The following HTT variants were observed in gnomAD, a reference collection of about 807,000 sequenced individuals.
HTT encodes huntington disease protein.
In HTT, 104 loss-of-function variants were observed where a neutral mutation model predicts 362.3. The ratio of observed to expected loss-of-function variants is 0.29; its 90% CI spans 0.24 to 0.34. The LOEUF is 0.34. HTT is among the 10% of genes least tolerant of loss of function. HTT has a pLI of 1.00. For synonymous variants in HTT, 1,577 were observed against 1,548.7 expected (o/e 1.02, Z -0.43); for missense variants, 3,301 against 3,928.6 (o/e 0.84, Z 4.27).
chr4:3,130,293 C>T lies in HTT; in HGVS notation c.1868-12C>T. 1 of 1,463,222 alleles carries T rather than the reference C, an allele frequency of 6.8e-7. No homozygotes were observed. Among genetic ancestry groups the T allele is most frequent in the Non-Finnish European group, 9.3e-7 (1 of 1,070,022 alleles). The allele number at this position is 1,463,222 out of a possible 1,614,324, so 90.6% of individuals were successfully genotyped here. A position where few individuals can be genotyped will look rare whatever the true frequency, so the allele number is the denominator to read the frequency against. On this transcript the variant is annotated splice_polypyrimidine_tract_variant and intron_variant, in intron 13 of 66. Coordinates refer to ENST00000355072, the MANE Select transcript of HTT (RefSeq NM_001388492.1). Reference sequence around the variant, plus strand: ...AATTTGTCACTTAATCTTGATTTCTCTGTTTTTAAAGCCCTTCAACAGGCA... The same window carrying T: ...AATTTGTCACTTAATCTTGATTTCTTTGTTTTTAAAGCCCTTCAACAGGCA...
intron 26 of HTT, among the ~76,000 whole-genome samples, chr4:3,151,246 G>A (rs34084646): frequency 0.079 from 12,064 of 152,146 alleles, 553 homozygotes; most frequent in South Asian, 0.14. Context: ...TCTGCAGGCT[G>A]TACAGGCTTC....
chr4:3,225,879 A>C, intron 57 of HTT, 136 bp downstream of exon 57: 1 of 639,098 alleles, frequency 1.6e-6, no homozygotes. Context: ...AAAAAATTTA[A>C]TGTTCATTGT....
Position 3,235,963 on chromosome 4 carries a change from G to A in HTT, c.8785+185G>A, listed in dbSNP as rs570122346. Among the ~76,000 whole-genome samples, 2 of 152,344 alleles carry A rather than the reference G, an allele frequency of 1.3e-5. 1 individual carries two copies. The highest frequency in any genetic ancestry group is 4.8e-5 in the African/African-American group (2 of 41,586). On this transcript the variant is annotated intron_variant, in intron 63 of 66. Transcript: ENST00000355072. ...CCCAGGGCTGGAGTACCTGGTCAGG[G>A]TTGACCGTCCCTGTGGTCACTCATC...
intron 8 of HTT, among the ~76,000 whole-genome samples, chr4:3,120,944 C>T (rs1454330683): frequency 6.6e-6 from 1 of 152,088 alleles, no homozygotes; most frequent in African/African-American, 2.4e-5. Flanking sequence ...TTTCCCTTTC[C>T]TAGTCACCAG....
chr4:3,163,504 C>T (rs777043470), intron 29 of HTT, among the ~76,000 whole-genome samples: 18 of 152,162 alleles, frequency 1.2e-4, no homozygotes, highest in Non-Finnish European at 2.6e-4. Flanking sequence ...AGGAATGGTA[C>T]CATCTCCTCT....
intron 4 of HTT, among the ~76,000 whole-genome samples, 163 bp from the exon 5 acceptor site, chr4:3,105,194 G>A (rs529512724): frequency 1.3e-5 from 2 of 152,256 alleles, no homozygotes; most frequent in South Asian, 2.1e-4. Context: ...CTTTATAATT[G>A]AAGCCCACTA....
rs562597975 is a variant in HTT, at chr4:3,110,859, G to A, written c.747+3436G>A. Among the ~76,000 whole-genome samples, 5 of 152,254 alleles carry A rather than the reference G, an allele frequency of 3.3e-5. No individual in the cohort carries two copies. In the East Asian group the frequency reaches 9.6e-4, roughly 29 times the overall value. On this transcript the variant is annotated intron_variant, in intron 6 of 66. Transcript: ENST00000355072. Reference sequence around the variant, plus strand: ...GAAAATTTTCTTAACATTTCTCTGAGAAGTTCTTGCCTTTTATTTTCTGTG... The same window carrying A: ...GAAAATTTTCTTAACATTTCTCTGAAAAGTTCTTGCCTTTTATTTTCTGTG...
chr4:3,216,530 T>C (rs549406578), intron 51 of HTT, among the ~76,000 whole-genome samples: 90 of 152,342 alleles, frequency 5.9e-4, no homozygotes, highest in African/African-American at 2.0e-3. Context: ...AATGCTATCA[T>C]GATTTTTAGT....
Position 3,208,857 on chromosome 4 carries a change from C to A in HTT, c.6237C>A (p.Ser2079=). The A allele has an allele frequency of 6.2e-7, 1 of 1,614,126 alleles. No homozygotes were observed. The highest frequency in any genetic ancestry group is 8.5e-7 in the Non-Finnish European group (1 of 1,180,008). The change falls in exon 46 of 67, where the codon TCC becomes TCA. Residue 2079 remains serine, a synonymous_variant. Coordinates refer to ENST00000355072, the MANE Select transcript of HTT (RefSeq NM_001388492.1). ...TTAGTCCCTCTCCTCCAGTCTCTTC[C>A]CACCCGCTGGACGGGGATGGGCACG... ...DSLSPSPPVS[S]HPLDGDGHVS... is the part of the protein sequence containing the mutation.
intron 9 of HTT, 130 bp from the exon 10 acceptor site, chr4:3,122,757 TAA>T: frequency 1.6e-6 from 1 of 640,038 alleles, no homozygotes; most frequent in Non-Finnish European, 2.8e-6. Context: ...ACTGCGATGT[TAA>T]GTGTTTCCTG....
intron 25 of HTT, among the ~76,000 whole-genome samples, 180 bp from the exon 26 acceptor site, chr4:3,147,825 G>A (rs1273651587): frequency 6.6e-6 from 1 of 152,184 alleles, no homozygotes; most frequent in Non-Finnish European, 1.5e-5. Context: ...ATGGAAATTG[G>A]GAACACAGAT....
chr4:3,140,587 G>A lies in HTT; in HGVS notation c.2876G>A (p.Ser959Asn). ...GTGGCCGTGGCAAGAGATCAAAGCAGTGTTTACCTGAAACTTCTCATGCAT... is the reference window on the plus strand; with the variant it reads ...GTGGCCGTGGCAAGAGATCAAAGCAATGTTTACCTGAAACTTCTCATGCAT... ...PVVAVARDQSSVYLKLLMHET... is the reference protein window; with the variant it reads ...PVVAVARDQSNVYLKLLMHET... Residue 959 changes from serine (S) to asparagine (N), a missense_variant, in exon 22 of 67, where the codon AGT (serine) becomes AAT (asparagine). Coordinates refer to ENST00000355072, the MANE Select transcript of HTT (RefSeq NM_001388492.1). 1 of 1,614,130 alleles carries A rather than the reference G, an allele frequency of 6.2e-7. No individual in the cohort carries two copies. Among genetic ancestry groups the A allele is most frequent in the East Asian group, 2.2e-5 (1 of 44,884 alleles).
chr4:3,185,856 C>T (rs1278979292), intron 37 of HTT, among the ~76,000 whole-genome samples: 1 of 151,834 alleles, frequency 6.6e-6, no homozygotes, highest in Admixed American at 6.6e-5. Flanking sequence ...CGCCACTGCA[C>T]TCCTGGGGCA....
chr4:3,147,915 C>A, intron 25 of HTT, 90 bp from the exon 26 acceptor site: 1 of 1,016,594 alleles, frequency 9.8e-7, no homozygotes, highest in Non-Finnish European at 1.5e-6. Flanking sequence ...CAACTCTCAA[C>A]ATAGGGTCTT....
chr4:3,224,274 C>G, intron 56 of HTT, 143 bp downstream of exon 56: 2 of 801,322 alleles, frequency 2.5e-6, no homozygotes, highest in East Asian at 4.9e-5. Context: ...CTGCCCCTTT[C>G]ATAAGCAGGA....
At chr4:3,239,766 C>G (rs1721719845) in intron 66 of HTT, 80 bp from the exon 67 acceptor site, 1 of 1,184,614 alleles carries the variant, frequency 8.4e-7, no homozygotes, top group South Asian at 1.3e-5. Flanking sequence ...TAGACTGTTT[C>G]AGGAGAGGAA....
chr4:3,186,819 A>G (rs1718781070), intron 38 of HTT, 100 bp downstream of exon 38: 6 of 566,736 alleles, frequency 1.1e-5, no homozygotes, highest in East Asian at 4.6e-5. Flanking sequence ...CAGTTTGGGT[A>G]GGGCTTCTTG....
chr4:3,215,057 A>G, intron 50 of HTT, 53 bp from the exon 51 acceptor site: 1 of 1,385,692 alleles, frequency 7.2e-7, no homozygotes. Context: ...TTGAATAAAA[A>G]GCACTGATGG....
At chr4:3,099,467 GTGTTCTTC>G in intron 3 of HTT, 73 bp downstream of exon 3, 1 of 1,592,206 alleles carries the variant, frequency 6.3e-7, no homozygotes, top group Non-Finnish European at 8.6e-7. Flanking sequence ...CGATCATTGA[GTGTTCTTC>G]TGTTTTGAGT....
Sources: gnomAD v4.1 joint callset for allele counts (sites outside exome capture counted in the v4.1 genomes callset) on GRCh38, gnomAD v4.1.1 for gene constraint, MANE v1.5 for transcripts, NCBI Gene and HGNC (gene_info 2026-07-23, HGNC 2026-07-21) for gene names.